Variants in SHISA9 observed in about 807,000 individuals in gnomAD.
The protein encoded by SHISA9 is shisa family member 9, also known as protein shisa-9.
SHISA9 carries 13 observed loss-of-function variants against 38.0 expected under a neutral mutation model. The observed-to-expected ratio is 0.34, with a 90% CI of 0.22 to 0.54. SHISA9 has a LOEUF of 0.54. SHISA9 is among the 20% of genes least tolerant of loss of function. The pLI is 0.91. For synonymous variants in SHISA9, 275 were observed against 242.0 expected, an observed-to-expected ratio of 1.14 and a Z score of -1.27; for missense variants, 538 against 575.8, an observed-to-expected ratio of 0.93 and a Z score of 0.67.
intron 4 of SHISA9, among the ~76,000 whole-genome samples, chr16:13,231,354 C>T (rs573847220): frequency 2.6e-5 from 4 of 152,114 alleles, no homozygotes; most frequent in Non-Finnish European, 4.4e-5. Flanking sequence ...ATTTTGATGT[C>T]GAAGGGGGAA....
the SHISA9 span, among the ~76,000 whole-genome samples, chr16:13,528,090 C>T: frequency 4.6e-5 from 7 of 152,130 alleles, no homozygotes; most frequent in East Asian, 7.7e-4. Flanking sequence ...TACTGCCTGG[C>T]ACTTCGGGGG....
intron 2 of SHISA9, among the ~76,000 whole-genome samples, chr16:12,938,804 C>G (rs1008443504): frequency 1.3e-5 from 2 of 152,014 alleles, no homozygotes; most frequent in Non-Finnish European, 2.9e-5. Context: ...TGCCTTTTGA[C>G]TTTCCATGCC....
Position 12,904,595 on chromosome 16 carries a change from C to T in SHISA9, c.563+1968C>T, listed in dbSNP as rs774944878. On this transcript the variant is annotated intron_variant, in intron 1 of 4. Transcript: ENST00000558583. ...TTCTGCAGGTATAGGGAGGGTCGGCCTGGTGGCAGAATCTAGGGGACCCAG... is the reference window on the plus strand; with the variant it reads ...TTCTGCAGGTATAGGGAGGGTCGGCTTGGTGGCAGAATCTAGGGGACCCAG... Among the ~76,000 whole-genome samples the T allele has an allele frequency of 2.6e-5, 4 of 152,154 alleles. No individual in the cohort carries two copies. The South Asian group carries it at 6.2e-4, about 24-fold the overall frequency.
intron 2 of SHISA9, among the ~76,000 whole-genome samples, chr16:13,059,277 G>A (rs993386287): frequency 5.3e-5 from 8 of 151,772 alleles, no homozygotes; most frequent in South Asian, 4.2e-4. Context: ...ACAGGTGGCC[G>A]CCACCATGCC....
the SHISA9 span, among the ~76,000 whole-genome samples, chr16:13,262,266 T>G: frequency 6.6e-6 from 1 of 152,212 alleles, no homozygotes; most frequent in Non-Finnish European, 1.5e-5. Context: ...CAGAAACTGA[T>G]GAGAGGCAGC....
intron 2 of SHISA9, among the ~76,000 whole-genome samples, chr16:12,966,180 C>T (rs935110344): frequency 6.6e-6 from 1 of 152,210 alleles, no homozygotes; most frequent in Non-Finnish European, 1.5e-5. Flanking sequence ...TTGGGCACCA[C>T]TGGCTGAAAC....
At chr16:13,433,533 A>G in the SHISA9 span, among the ~76,000 whole-genome samples, 1 of 63,678 alleles carries the variant, frequency 1.6e-5, no homozygotes, top group Admixed American at 2.3e-4. Context: ...GAGGTCAGAG[A>G]GATTAATGTG....
At chr16:13,517,518 G>GAA in the SHISA9 span, among the ~76,000 whole-genome samples, 1 of 152,176 alleles carries the variant, frequency 6.6e-6, no homozygotes, top group Non-Finnish European at 1.5e-5. Flanking sequence ...GGGTAGTGGT[G>GAA]AAAATTCAAA....
chr16:12,968,392 TGG>T (rs2072009722), intron 2 of SHISA9, among the ~76,000 whole-genome samples: 1 of 152,068 alleles, frequency 6.6e-6, no homozygotes, highest in African/African-American at 2.4e-5. Context: ...AAATAAATTA[TGG>T]TCTACGTATA....
the SHISA9 span, among the ~76,000 whole-genome samples, chr16:13,430,801 C>A: frequency 6.6e-6 from 1 of 151,730 alleles, no homozygotes; most frequent in African/African-American, 2.4e-5. Flanking sequence ...TGCCTGTAGT[C>A]CCAGCTACTT....
At chr16:13,102,504 A>G (rs994971931) in intron 2 of SHISA9, among the ~76,000 whole-genome samples, 1 of 152,178 alleles carries the variant, frequency 6.6e-6, no homozygotes, top group African/African-American at 2.4e-5. Flanking sequence ...ACTGAGAGGC[A>G]AGGGAGAGAA....
intron 2 of SHISA9, among the ~76,000 whole-genome samples, chr16:13,096,152 A>G (rs58735050): frequency 0.021 from 3,143 of 152,314 alleles, 50 homozygotes; most frequent in Admixed American, 0.047. Context: ...GCAGATAATC[A>G]TATGTATGTC....
At chr16:13,381,729 A>G in the SHISA9 span, among the ~76,000 whole-genome samples, 1 of 152,210 alleles carries the variant, frequency 6.6e-6, no homozygotes, top group African/African-American at 2.4e-5. Context: ...TTATCTATAA[A>G]CCTAACTAAG....
intron 2 of SHISA9, among the ~76,000 whole-genome samples, chr16:13,186,167 C>G (rs1313854772): frequency 6.6e-6 from 1 of 151,554 alleles, no homozygotes; most frequent in African/African-American, 2.4e-5. Flanking sequence ...ACAATAATGC[C>G]TGGTTTATTG....
chr16:13,334,441 G>A, the SHISA9 span, among the ~76,000 whole-genome samples: 1 of 152,118 alleles, frequency 6.6e-6, no homozygotes, highest in African/African-American at 2.4e-5. Context: ...TAGAATTGGG[G>A]CAAGTTGCAG....
intron 1 of SHISA9, among the ~76,000 whole-genome samples, chr16:12,904,183 G>A (rs529271383): frequency 6.6e-6 from 1 of 152,266 alleles, no homozygotes; most frequent in African/African-American, 2.4e-5. Context: ...TAATTCCCCG[G>A]GTCTGTGTTA....
the SHISA9 span, among the ~76,000 whole-genome samples, chr16:13,541,164 T>G: frequency 6.6e-6 from 1 of 152,172 alleles, no homozygotes; most frequent in Non-Finnish European, 1.5e-5. Context: ...TTCGTGCTGT[T>G]GGGTGCAGGC....
At chr16:13,225,160 A>G (rs576999059) in intron 4 of SHISA9, among the ~76,000 whole-genome samples, 1 of 152,172 alleles carries the variant, frequency 6.6e-6, no homozygotes, top group Non-Finnish European at 1.5e-5. Context: ...AGAGATTGGA[A>G]TGATGTAGCT....
chr16:13,155,158 G>T (rs750058556), intron 2 of SHISA9, among the ~76,000 whole-genome samples: 1 of 152,244 alleles, frequency 6.6e-6, no homozygotes. Context: ...AATGGAAGTA[G>T]ATTAGAACAG....
Sources: gnomAD v4.1 joint callset for allele counts (sites outside exome capture counted in the v4.1 genomes callset) on GRCh38, gnomAD v4.1.1 for gene constraint, MANE v1.5 for transcripts, NCBI Gene and HGNC (gene_info 2026-07-23, HGNC 2026-07-21) for gene names.